The following PLPPR1 variants were observed in gnomAD, a reference collection of about 807,000 sequenced individuals.
PLPPR1 encodes phospholipid phosphatase related 1, also known as phospholipid phosphatase-related protein type 1.
PLPPR1 carries 10 observed loss-of-function variants against 33.1 expected under a neutral mutation model. That is an observed-to-expected ratio of 0.30 (90% CI 0.19 to 0.51). The LOEUF is 0.51. Among genes scored for constraint, PLPPR1 ranks in the 20% least tolerant of loss-of-function variants. PLPPR1 has a pLI of 0.97. For synonymous variants in PLPPR1, 151 were observed against 151.0 expected, an observed-to-expected ratio of 1.00 and a Z score of 0.00; for missense variants, 304 against 408.1, an observed-to-expected ratio of 0.74 and a Z score of 2.20.
In PLPPR1 at chr9:101,074,675, G is replaced by A. The variant is rs899472697; in HGVS notation, c.-46+45573G>A. ...CATTCATTCATTTATTACCCACTGA[G>A]CATCACTATGTGGTAGGTTTTCTGC... On this transcript the variant is annotated intron_variant, in intron 1 of 7. Coordinates refer to ENST00000374874, the MANE Select transcript of PLPPR1 (RefSeq NM_207299.2). Among the ~76,000 whole-genome samples, 4 of 152,080 alleles carry A rather than the reference G, an allele frequency of 2.6e-5. No homozygotes were observed. The East Asian group carries it at 5.8e-4, about 22-fold the overall frequency.
At chr9:101,231,097 C>T (rs1249688272) in intron 2 of PLPPR1, among the ~76,000 whole-genome samples, 1 of 151,740 alleles carries the variant, frequency 6.6e-6, no homozygotes, top group Non-Finnish European at 1.5e-5. Flanking sequence ...GTGAATTGTC[C>T]AAGCTTACAC....
At chr9:101,269,354 TCCCTTAA>T (rs554514863) in intron 2 of PLPPR1, among the ~76,000 whole-genome samples, 8 of 152,356 alleles carry the variant, frequency 5.3e-5, no homozygotes, top group African/African-American at 1.7e-4. Flanking sequence ...TGTCGAAATT[TCCCTTAA>T]CCCATCTAGG....
intron 1 of PLPPR1, among the ~76,000 whole-genome samples, chr9:101,035,067 A>G (rs1336160073): frequency 6.6e-6 from 1 of 152,192 alleles, no homozygotes; most frequent in South Asian, 2.1e-4. Flanking sequence ...TAGGCATCAG[A>G]CAACAGGGAC....
chr9:101,286,070 C>A (rs1828387580), intron 3 of PLPPR1, 34 bp from the exon 4 acceptor site: 1 of 1,595,134 alleles, frequency 6.3e-7, no homozygotes, highest in Non-Finnish European at 8.6e-7. Context: ...AAACAGATCT[C>A]CAACTTGACA....
At chr9:101,305,743 T>C (rs1380849077) in intron 4 of PLPPR1, among the ~76,000 whole-genome samples, 1 of 152,084 alleles carries the variant, frequency 6.6e-6, no homozygotes, top group Non-Finnish European at 1.5e-5. Context: ...ATCTCCTTCA[T>C]GCACGTTTCC....
intron 2 of PLPPR1, among the ~76,000 whole-genome samples, chr9:101,204,802 T>C (rs1036636649): frequency 1.5e-4 from 23 of 152,246 alleles, no homozygotes; most frequent in African/African-American, 5.3e-4. Context: ...TTTAGGTATA[T>C]GAGATGCTCA....
At position 101,303,355 on chromosome 9, in the gene PLPPR1, G is replaced by A. The variant is rs371088230; in HGVS notation, c.386-5856G>A. ...TTACTCTTGTTGCCCAGGCTGGAGT[G>A]CAATGGCACAATCTCTGCTCACTGC... On this transcript the variant is annotated intron_variant, in intron 4 of 7. Coordinates refer to ENST00000374874, the MANE Select transcript of PLPPR1 (RefSeq NM_207299.2). 2.2e-4 allele frequency among the ~76,000 whole-genome samples: 34 copies of A among 151,774 alleles called. No homozygotes were observed. In the South Asian group the frequency reaches 2.3e-3, roughly 10 times the overall value.
intron 1 of PLPPR1, among the ~76,000 whole-genome samples, chr9:101,091,955 C>T (rs1445817117): frequency 6.6e-6 from 1 of 152,064 alleles, no homozygotes; most frequent in Admixed American, 6.6e-5. Flanking sequence ...TTCGAAACGC[C>T]TCCTTCCCTC....
intron 1 of PLPPR1, among the ~76,000 whole-genome samples, chr9:101,038,822 A>C (rs936714203): frequency 6.6e-6 from 1 of 151,264 alleles, no homozygotes; most frequent in Non-Finnish European, 1.5e-5. Flanking sequence ...ATCCCTGCCC[A>C]TATAACCCCT....
In PLPPR1 at chr9:101,270,185, TC is replaced by T. The variant is rs1828069391; in HGVS notation, c.252+119del. ...TTCACCAGCAGTTTTATCAGTGGCA[TC>T]CTATTTCAGCCAAAACAGAGTGAAT... On this transcript the variant is annotated intron_variant, in intron 3 of 7. Coordinates refer to ENST00000374874, the MANE Select transcript of PLPPR1 (RefSeq NM_207299.2). 4 of 1,084,998 alleles carry T rather than the reference TC, an allele frequency of 3.7e-6. No homozygotes were observed. The Admixed American group carries it at 8.5e-5, about 23-fold the overall frequency. 67.2% of individuals were successfully genotyped at this position (1,084,998 alleles called of 1,614,324 possible). A position where few individuals can be genotyped will look rare whatever the true frequency, so the allele number is the denominator to read the frequency against.
At chr9:101,234,593 G>A (rs1468473745) in intron 2 of PLPPR1, among the ~76,000 whole-genome samples, 1 of 151,570 alleles carries the variant, frequency 6.6e-6, no homozygotes, top group Non-Finnish European at 1.5e-5. Context: ...ATGCTATAAG[G>A]GCTTAAGTTG....
chr9:101,083,533 C>T (rs537699096), intron 1 of PLPPR1, among the ~76,000 whole-genome samples: 7 of 152,230 alleles, frequency 4.6e-5, no homozygotes, highest in African/African-American at 1.4e-4. Context: ...TGAAGCCTCC[C>T]GTAAGCATTT....
At chr9:101,149,228 A>T (rs1054255985) in intron 1 of PLPPR1, among the ~76,000 whole-genome samples, 8 of 152,232 alleles carry the variant, frequency 5.3e-5, no homozygotes, top group Non-Finnish European at 8.8e-5. Flanking sequence ...TATACATTAC[A>T]CATCCAGAAT....
rs1487921495 is a variant in PLPPR1, at chr9:101,291,292, G to A, written c.385+5056G>A. ...GGTAAACAAAGCAGCCGGGAAGCTC[G>A]AACTGGGTGGAGCCCACCACAGCTC... On this transcript the variant is annotated intron_variant, in intron 4 of 7. Coordinates refer to ENST00000374874, the MANE Select transcript of PLPPR1 (RefSeq NM_207299.2). Among the ~76,000 whole-genome samples the A allele has an allele frequency of 5.9e-5, 9 of 152,198 alleles. No individual in the cohort carries two copies. In the South Asian group the frequency reaches 1.0e-3, roughly 17 times the overall value.
intron 1 of PLPPR1, among the ~76,000 whole-genome samples, chr9:101,064,081 A>G (rs1056420339): frequency 1.3e-5 from 2 of 152,124 alleles, no homozygotes; most frequent in African/African-American, 2.4e-5. Flanking sequence ...AAATTTATAG[A>G]TCTATGATTC....
intron 2 of PLPPR1, among the ~76,000 whole-genome samples, chr9:101,226,337 T>A (rs1190593931): frequency 1.3e-5 from 2 of 152,128 alleles, no homozygotes; most frequent in Non-Finnish European, 2.9e-5. Flanking sequence ...TGTGCCTTAG[T>A]CATTACAGAG....
intron 4 of PLPPR1, among the ~76,000 whole-genome samples, chr9:101,294,512 T>G (rs1371777917): frequency 1.0e-4 from 15 of 150,624 alleles, no homozygotes; most frequent in Admixed American, 1.3e-4. Flanking sequence ...AAGAGAATTT[T>G]AGACCAATAT....
chr9:101,293,756 G>A (rs1321977173), intron 4 of PLPPR1, among the ~76,000 whole-genome samples: 1 of 152,020 alleles, frequency 6.6e-6, no homozygotes. Flanking sequence ...TGAAACCAAC[G>A]AGAACAAAGA....
At chr9:101,077,510 C>G (rs1261691553) in intron 1 of PLPPR1, among the ~76,000 whole-genome samples, 2 of 152,142 alleles carry the variant, frequency 1.3e-5, no homozygotes, top group Admixed American at 1.3e-4. Context: ...ATTAAGTTAC[C>G]TGAAGCCTGT....
Sources: allele counts gnomAD v4.1 joint callset (sites outside exome capture counted in the v4.1 genomes callset), GRCh38; gene constraint gnomAD v4.1.1; transcripts MANE v1.5; gene names NCBI Gene and HGNC (gene_info 2026-07-23, HGNC 2026-07-21).